ITGAL: variants seen among roughly 807,000 people sequenced by gnomAD.
ITGAL encodes the protein integrin subunit alpha L, also known as integrin alpha-L.
A neutral mutation model predicts 138.4 loss-of-function variants in ITGAL; 68 were observed. The ratio of observed to expected loss-of-function variants is 0.49; its 90% CI spans 0.40 to 0.60. ITGAL has a LOEUF of 0.60. ITGAL is among the 20% of genes least tolerant of loss of function. The pLI is 0.00. For missense variants in ITGAL, 1,256 were observed against 1,478.6 expected, an observed-to-expected ratio of 0.85 and a Z score of 2.47; for synonymous variants, 561 against 584.3, an observed-to-expected ratio of 0.96 and a Z score of 0.57.
chr16:30,502,129 G>A (rs537064956), intron 17 of ITGAL, among the ~76,000 whole-genome samples: 417 of 152,344 alleles, frequency 2.7e-3, no homozygotes, highest in African/African-American at 9.2e-3. Flanking sequence ...CGGGCGCGGT[G>A]GCTCACGCCT....
At position 30,517,086 on chromosome 16, in the gene ITGAL, G is replaced by A. The variant is rs756660426; in HGVS notation, c.2976G>A (p.Met992Ile). Residue 992 changes from methionine to isoleucine, a missense_variant and splice_region_variant, in exon 26 of 31, where the codon ATG becomes ATA. Met to Ile is a conservative substitution (Grantham distance 10, BLOSUM62 1). This residue lies in a region of ITGAL where 867 missense variants were observed against 972.5 expected (regional missense o/e 0.89). Transcript: ENST00000356798. ...GPITHQWSVQ[M>I]EPPVPCHYED... ...TCACACACCAGTGGAGCGTGCAGAT[G>A]GTGAGTGCTGCCTGTAGAGGGAGGG... 1 of 1,590,682 alleles carries A rather than the reference G, an allele frequency of 6.3e-7. No homozygotes were observed. The highest frequency in any genetic ancestry group is 1.1e-5 in the South Asian group (1 of 89,952).
intron 25 of ITGAL, among the ~76,000 whole-genome samples, chr16:30,514,820 C>G (rs1597106920): frequency 2.1e-5 from 3 of 143,590 alleles, no homozygotes. Context: ...TTTCTTTTTT[C>G]TTTTCTTTTT....
At chr16:30,488,976 A>T in intron 9 of ITGAL, 106 bp from the exon 10 acceptor site, 1 of 961,560 alleles carries the variant, frequency 1.0e-6, no homozygotes, top group Admixed American at 1.8e-5. Flanking sequence ...CATGCCTTCT[A>T]CCTTACCCAG....
At chr16:30,498,794 G>A in intron 15 of ITGAL, 2 of 306,956 alleles carry the variant, frequency 6.5e-6, no homozygotes, top group South Asian at 6.2e-5. Flanking sequence ...CCAGATCCTT[G>A]GGAGGCTGAG....
chr16:30,500,476 C>T (rs1272287256), intron 17 of ITGAL, among the ~76,000 whole-genome samples: 1 of 152,062 alleles, frequency 6.6e-6, no homozygotes, highest in East Asian at 1.9e-4. Context: ...GCCTCAGCTT[C>T]CTGAGTAGCA....
chr16:30,484,008 G>A, intron 8 of ITGAL, 49 bp downstream of exon 8: 1 of 1,598,168 alleles, frequency 6.3e-7, no homozygotes, highest in East Asian at 2.2e-5. Context: ...TCCTCTTTCT[G>A]AACCCCAAGC....
At position 30,521,507 on chromosome 16, in the gene ITGAL, C is replaced by G; in HGVS notation, c.3355C>G (p.Arg1119Gly). Residue 1119 changes from arginine to glycine, a missense_variant, in exon 31 of 31, where the codon CGG becomes GGG. Coordinates refer to ENST00000356798, the MANE Select transcript of ITGAL (RefSeq NM_002209.3). The part of the protein sequence containing the change: ...IVLYKVGFFK[R>G]NLKEKMEAGR... Reference sequence around the variant, plus strand: ...CTTTGTACAGGTTGGTTTCTTCAAACGGAACCTGAAGGAGAAGATGGAGGC... The same window carrying G: ...CTTTGTACAGGTTGGTTTCTTCAAAGGGAACCTGAAGGAGAAGATGGAGGC... 1 of 1,613,974 alleles carries G rather than the reference C, an allele frequency of 6.2e-7. No individual in the cohort carries two copies. The highest frequency in any genetic ancestry group is 8.5e-7 in the Non-Finnish European group (1 of 1,179,952).
chr16:30,504,063 C>T, intron 17 of ITGAL, 112 bp from the exon 18 acceptor site: 1 of 837,446 alleles, frequency 1.2e-6, no homozygotes, highest in Non-Finnish European at 2.0e-6. Context: ...GGGTCTTAGA[C>T]AAAGAACTAC....
chr16:30,493,402 A>G (rs1484469021), intron 11 of ITGAL, among the ~76,000 whole-genome samples: 3 of 151,446 alleles, frequency 2.0e-5, no homozygotes, highest in African/African-American at 7.3e-5. Context: ...TCAGCCTCCC[A>G]AGTAGCTGGG....
intron 17 of ITGAL, among the ~76,000 whole-genome samples, chr16:30,500,527 G>T (rs4889497): frequency 0.82 from 124,507 of 151,840 alleles, 51,308 homozygotes; most frequent in East Asian, 1. Context: ...CTGCTTCTAG[G>T]TTTTTAATTT....
intron 9 of ITGAL, among the ~76,000 whole-genome samples, chr16:30,487,236 A>T (rs922907747): frequency 1.3e-5 from 2 of 151,900 alleles, no homozygotes; most frequent in Non-Finnish European, 2.9e-5. Flanking sequence ...TCAGCCTCAC[A>T]TAGTGCTGGG....
chr16:30,506,052 G>A (rs558740619), intron 20 of ITGAL, among the ~76,000 whole-genome samples: 1 of 152,184 alleles, frequency 6.6e-6, no homozygotes, highest in Admixed American at 6.5e-5. Flanking sequence ...CTGAGGTCAG[G>A]AGCTCGAGGC....
In ITGAL at chr16:30,517,691, C is replaced by T; in HGVS notation, c.3019C>T (p.Pro1007Ser). The change falls in exon 27 of 31, where the codon CCG becomes TCG. Residue 1007 changes from proline to serine, a missense_variant. Pro to Ser is a moderately conservative substitution (Grantham distance 74). This residue lies in a region of ITGAL where 867 missense variants were observed against 972.5 expected (regional missense o/e 0.89). Transcript: ENST00000356798. ...CCACTATGAGGATCTGGAGAGGCTC[C>T]CGGATGCAGCTGAGGTATGGGCGTG... ...PCHYEDLERL[P>S]DAAEPCLPGA... 2.5e-6 allele frequency: 4 copies of T among 1,614,080 alleles called. No homozygotes were observed. Among genetic ancestry groups the T allele is most frequent in the Non-Finnish European group, 3.4e-6 (4 of 1,179,964 alleles).
At chr16:30,507,409 G>A (rs2051018697) in intron 21 of ITGAL, among the ~76,000 whole-genome samples, 1 of 148,760 alleles carries the variant, frequency 6.7e-6, no homozygotes, top group African/African-American at 2.5e-5. Flanking sequence ...GCAGCGAGCC[G>A]AGATCGCGCC....
chr16:30,520,202 G>A (rs1293625549), intron 30 of ITGAL, among the ~76,000 whole-genome samples: 2 of 152,200 alleles, frequency 1.3e-5, no homozygotes. Flanking sequence ...TGGAGGCCGA[G>A]GCAGGTGGAT....
At chr16:30,503,644 A>T (rs2050940223) in intron 17 of ITGAL, among the ~76,000 whole-genome samples, 1 of 151,758 alleles carries the variant, frequency 6.6e-6, no homozygotes, top group Admixed American at 6.6e-5. Flanking sequence ...AGAAGAAAGA[A>T]AAGGAAGGAA....
At chr16:30,476,523 A>G (rs1382592286) in intron 4 of ITGAL, among the ~76,000 whole-genome samples, 1 of 152,174 alleles carries the variant, frequency 6.6e-6, no homozygotes, top group Non-Finnish European at 1.5e-5. Flanking sequence ...GCTTAGGAAG[A>G]GGCTGAAGTT....
rs1327541627 is a variant in ITGAL, at chr16:30,496,174, T to C, written c.1581T>C (p.Ala527=). The C allele has an allele frequency of 1.2e-6, 2 of 1,613,982 alleles. No individual in the cohort carries two copies. Among genetic ancestry groups the C allele is most frequent in the African/African-American group, 1.3e-5 (1 of 74,912 alleles). The change falls in exon 14 of 31, where the codon GCT becomes GCC. Residue 527 remains alanine (A), a synonymous_variant. Transcript: ENST00000356798. The part of the protein sequence containing the change: ...PLGRFGEAIT[A]LTDINGDGLV... ...GGCGGTTTGGAGAAGCCATCACTGCTCTGACAGACATCAACGGCGATGGGC... is the reference window on the plus strand; with the variant it reads ...GGCGGTTTGGAGAAGCCATCACTGCCCTGACAGACATCAACGGCGATGGGC...
chr16:30,514,813 C>A (rs1467107995), intron 25 of ITGAL, among the ~76,000 whole-genome samples: 1 of 147,844 alleles, frequency 6.8e-6, no homozygotes. Flanking sequence ...TTTACCTTTT[C>A]TTTTTTCTTT....
Sources: allele counts gnomAD v4.1 joint callset (sites outside exome capture counted in the v4.1 genomes callset), GRCh38; gene constraint gnomAD v4.1.1; regional missense constraint gnomAD v4.1.1; transcripts MANE v1.5; gene names NCBI Gene and HGNC (gene_info 2026-07-23, HGNC 2026-07-21).